TPR: variants seen among roughly 807,000 people sequenced by gnomAD.
TPR encodes nucleoprotein TPR.
Under a neutral mutation model 316.1 loss-of-function variants are expected in TPR, and 51 were observed. The observed-to-expected ratio is 0.16, with a 90% CI of 0.13 to 0.20. The LOEUF (loss-of-function observed/expected upper bound fraction) is 0.20, where lower values mean the gene tolerates loss of function less well. TPR is among the 10% of genes least tolerant of loss of function. The probability of loss-of-function intolerance (pLI) is 1.00; values close to 1 mark genes in which losing one functional copy is unlikely to be tolerated. For missense variants in TPR, 2,272 were observed against 2,754.8 expected (o/e 0.82, Z 3.92); for synonymous variants, 981 against 914.7 (o/e 1.07, Z -1.31).
Position 186,365,102 on chromosome 1 carries a change from C to CCTTTT in TPR, c.428-1658_428-1657insAAAAG, listed in dbSNP as rs549018792. On this transcript the variant is annotated intron_variant, in intron 4 of 50. Coordinates refer to ENST00000367478, the MANE Select transcript of TPR (RefSeq NM_003292.3). ...GTACCTTGCTAGTAAAGGGGCTGCC[C>CCTTTT]TTTTTTTTTTTTGGAGACAGTCTCG... 4.4e-5 allele frequency among the ~76,000 whole-genome samples: 6 copies of CCTTTT among 137,198 alleles called. 1 individual carries two copies. The highest frequency in any genetic ancestry group is 1.6e-4 in the African/African-American group (6 of 37,296). 90.0% of individuals were successfully genotyped at this position (137,198 alleles called of 152,430 possible). A position where few individuals can be genotyped will look rare whatever the true frequency, so the allele number is the denominator to read the frequency against.
rs1658853918 is a variant in TPR at position 186,351,312 on chromosome 1, G to C, written c.2610+18C>G. On this transcript the variant is annotated intron_variant, in intron 20 of 50. Coordinates refer to ENST00000367478, the MANE Select transcript of TPR (RefSeq NM_003292.3). ...AACATAAACACCCTACAGAAATTCA[G>C]AACTCTGATGGACTCACATCTAGAT... The C allele has an allele frequency of 1.9e-6, 3 of 1,587,668 alleles. No homozygotes were observed. Among genetic ancestry groups the C allele is most frequent in the Non-Finnish European group, 2.6e-6 (3 of 1,168,862 alleles).
At position 186,360,807 on chromosome 1, in the gene TPR, A is replaced by T. The variant is rs764313908; in HGVS notation, c.1057T>A (p.Leu353Ile). 12 of 1,612,856 alleles carry T rather than the reference A, an allele frequency of 7.4e-6. No individual in the cohort carries two copies. The highest frequency in any genetic ancestry group is 2.2e-5 in the East Asian group (1 of 44,778). Residue 353 changes from leucine (L) to isoleucine (I), a missense_variant, in exon 10 of 51, where the codon TTA becomes ATA. By Grantham distance (5) the Leu-to-Ile change is conservative (BLOSUM62 2). Transcript: ENST00000367478. Reference protein sequence around the residue: ...LEKIGRLEKELENANDLLSAT... With the variant: ...LEKIGRLEKEIENANDLLSAT... ...GAAAGAAGGTCATTTGCATTCTCTA[A>T]TTCCTTCTCCAATCTCCCTATTTTC...
intron 24 of TPR, 35 bp from the exon 25 acceptor site, chr1:186,344,613 T>C: frequency 7.0e-7 from 1 of 1,437,292 alleles, no homozygotes; most frequent in Non-Finnish European, 9.1e-7. Context: ...ATACCAAAGA[T>C]TAAAAATCCA....
At chr1:186,352,203 C>T in intron 18 of TPR, 93 bp from the exon 19 acceptor site, 1 of 1,227,186 alleles carries the variant, frequency 8.1e-7, no homozygotes. Context: ...TACATCACTA[C>T]TTTTTTTTAA....
intron 21 of TPR, among the ~76,000 whole-genome samples, chr1:186,349,194 A>G (rs1440909538): frequency 6.6e-6 from 1 of 152,224 alleles, no homozygotes; most frequent in African/African-American, 2.4e-5. Flanking sequence ...TCTAACACAA[A>G]GCCTATTTTA....
chr1:186,365,910 G>A (rs1659329191), intron 4 of TPR, among the ~76,000 whole-genome samples: 1 of 152,210 alleles, frequency 6.6e-6, no homozygotes. Context: ...TGACTGGATG[G>A]AGATGAGTGC....
chr1:186,324,073 G>C (rs921873999), intron 42 of TPR, among the ~76,000 whole-genome samples: 12 of 152,038 alleles, frequency 7.9e-5, no homozygotes, highest in Non-Finnish European at 1.3e-4. Context: ...GTGTGGCTTT[G>C]GGCAAGTCCC....
chr1:186,322,208 A>T, intron 45 of TPR, 110 bp downstream of exon 45: 2 of 1,035,560 alleles, frequency 1.9e-6, no homozygotes, highest in African/African-American at 1.6e-5. Context: ...ATTAGTACAT[A>T]GTAGAGAGGG....
Position 186,339,762 on chromosome 1 carries a change from CT to C in TPR, c.4030del (p.Ser1344ValfsTer28). 6.3e-7 allele frequency: 1 copy of C among 1,588,140 alleles called. No homozygotes were observed. The highest frequency in any genetic ancestry group is 1.7e-4 in the Middle Eastern group (1 of 5,770). On this transcript the variant is annotated frameshift_variant, in exon 30 of 51. Transcript: ENST00000367478. LOFTEE classifies it high-confidence loss of function. ...RWKARNQHLV[S>X]QQKDPDTEEY... ...TTCTGTATCTGGATCTTTCTGTTGA[CT>C]TACTAGATGCTAGAATAACAAAAAT...
rs1558000901 is a variant in TPR, at chr1:186,333,386, A to C, written c.5191T>G (p.Ser1731Ala). 1 of 1,612,958 alleles carries C rather than the reference A, an allele frequency of 6.2e-7. No homozygotes were observed. Among genetic ancestry groups the C allele is most frequent in the Non-Finnish European group, 8.5e-7 (1 of 1,179,304 alleles). Residue 1731 changes from serine to alanine, a missense_variant, in exon 37 of 51, where the codon TCA becomes GCA. Ser to Ala is a moderately conservative substitution (Grantham distance 99). Transcript: ENST00000367478. ...TQVESQEAMQ[S>A]EGPVEHVPVF... Reference sequence around the variant, plus strand: ...GGAACATGTTCCACAGGCCCTTCTGACTGCATAGCTGAAAAATAATTATAA... The same window carrying C: ...GGAACATGTTCCACAGGCCCTTCTGCCTGCATAGCTGAAAAATAATTATAA...
At chr1:186,369,313 G>C (rs1267370779) in intron 3 of TPR, among the ~76,000 whole-genome samples, 3 of 151,960 alleles carry the variant, frequency 2.0e-5, no homozygotes, top group Admixed American at 6.6e-5. Context: ...AATTCTGACA[G>C]GATTGGCCTG....
At chr1:186,365,171 C>G (rs182349829) in intron 4 of TPR, among the ~76,000 whole-genome samples, 2 of 142,974 alleles carry the variant, frequency 1.4e-5, no homozygotes, top group Admixed American at 1.5e-4. Context: ...TCTTGGCTCA[C>G]TGCAACCTCT....
chr1:186,333,724 T>TA (rs1658249578), intron 36 of TPR, among the ~76,000 whole-genome samples: 1 of 152,192 alleles, frequency 6.6e-6, no homozygotes, highest in Non-Finnish European at 1.5e-5. Context: ...TTAATTGATA[T>TA]AACAGATAGT....
chr1:186,346,082 G>T (rs1571621021), intron 23 of TPR, 53 bp downstream of exon 23: 2 of 1,521,706 alleles, frequency 1.3e-6, no homozygotes, highest in African/African-American at 1.4e-5. Flanking sequence ...TTAGTTGAAA[G>T]AATTCAAATC....
chr1:186,343,850 A>T (rs1658593221), intron 26 of TPR, 56 bp downstream of exon 26: 1 of 1,378,274 alleles, frequency 7.3e-7, no homozygotes, highest in African/African-American at 1.5e-5. Context: ...ATATATTTGT[A>T]GTTTCATTTC....
At chr1:186,359,741 AG>A (rs1312452635) in intron 12 of TPR, 57 bp downstream of exon 12, 1 of 1,512,416 alleles carries the variant, frequency 6.6e-7, no homozygotes. Context: ...AAAAATACCT[AG>A]TAAATCATTT....
chr1:186,357,458 C>A lies in TPR; in HGVS notation c.1663G>T (p.Val555Leu). 6.2e-7 allele frequency: 1 copy of A among 1,614,026 alleles called. No individual in the cohort carries two copies. Reference sequence around the variant, plus strand: ...GTTTCCCCAAGCTCTCTAAGGGCCACTAAGAGACGTTGATTTTGTTGTTGA... The same window carrying A: ...GTTTCCCCAAGCTCTCTAAGGGCCAATAAGAGACGTTGATTTTGTTGTTGA... ...ELQQQNQRLL[V>L]ALRELGETRE... is the part of the protein sequence containing the mutation. Residue 555 changes from valine to leucine, a missense_variant, in exon 14 of 51, where the codon GTG (valine) becomes TTG (leucine). Around this residue, in one of 10 missense-constraint regions of TPR, gnomAD observed 757 missense variants for 859.8 expected, o/e 0.88. Coordinates refer to ENST00000367478, the MANE Select transcript of TPR (RefSeq NM_003292.3).
Position 186,317,511 on chromosome 1 carries a change from C to T in TPR, c.6911G>A (p.Ser2304Asn). ...AGATGAGCTAGAAGGAGGATCCTGG[C>T]TGGTGGAGGGGAGATCTGACTCATC... ...ASDESDLPST[S>N]QDPPSSSSVD... The change falls in exon 49 of 51, where the codon AGC (serine) becomes AAC (asparagine). Residue 2304 changes from serine (S) to asparagine (N), a missense_variant. Transcript: ENST00000367478. The T allele has an allele frequency of 6.2e-7, 1 of 1,614,094 alleles. No individual in the cohort carries two copies. Among genetic ancestry groups the T allele is most frequent in the South Asian group, 1.1e-5 (1 of 91,084 alleles).
chr1:186,318,645 T>C, intron 47 of TPR, 42 bp from the exon 48 acceptor site: 1 of 1,603,676 alleles, frequency 6.2e-7, no homozygotes, highest in Non-Finnish European at 8.5e-7. Flanking sequence ...TAAAACTTTG[T>C]GGTTTATCAC....
Sources: gnomAD v4.1 joint callset for allele counts (sites outside exome capture counted in the v4.1 genomes callset) on GRCh38, gnomAD v4.1.1 for gene constraint, gnomAD v4.1.1 regional missense constraint, MANE v1.5 for transcripts, NCBI Gene and HGNC (gene_info 2026-07-23, HGNC 2026-07-21) for gene names.